The following WDR53 variants were observed in gnomAD, a reference collection of about 807,000 sequenced individuals.
WDR53 encodes WD repeat domain 53.
In WDR53, 19 loss-of-function variants were observed where a neutral mutation model predicts 21.3. The observed-to-expected ratio is 0.89, with a 90% confidence interval of 0.62 to 1.31. The LOEUF is 1.31. Ranked by LOEUF, WDR53 falls within the 50% of genes most tolerant of loss-of-function variation. The pLI is 0.00. For missense variants in WDR53, 374 were observed against 423.2 expected (o/e 0.88, Z 1.02); for synonymous variants, 157 against 163.4 (o/e 0.96, Z 0.30).
chr3:196,560,323 A>G (rs1000809736), intron 3 of WDR53, among the ~76,000 whole-genome samples: 1 of 151,434 alleles, frequency 6.6e-6, no homozygotes, highest in South Asian at 2.1e-4. Flanking sequence ...GCTCACTGCA[A>G]CCTCCACCTC....
At chr3:196,562,469 C>G (rs1734974312) in intron 2 of WDR53, among the ~76,000 whole-genome samples, 3 of 152,034 alleles carry the variant, frequency 2.0e-5, no homozygotes, top group Admixed American at 6.6e-5. Flanking sequence ...ACCATGTTGG[C>G]CAGGCTGGTC....
chr3:196,566,095 G>C (rs1735364735), intron 2 of WDR53, among the ~76,000 whole-genome samples: 1 of 151,824 alleles, frequency 6.6e-6, no homozygotes, highest in Admixed American at 6.6e-5. Flanking sequence ...GTTTTTTCTT[G>C]TGTTTTTTTT....
At chr3:196,561,574 C>A in intron 2 of WDR53, 83 bp from the exon 3 acceptor site, 12 of 1,283,878 alleles carry the variant, frequency 9.3e-6, no homozygotes, top group African/African-American at 1.5e-5. Context: ...AACAATATTT[C>A]ATCTTTTAAA....
chr3:196,562,809 CTT>C (rs1429849077), intron 2 of WDR53, among the ~76,000 whole-genome samples: 1 of 152,164 alleles, frequency 6.6e-6, no homozygotes, highest in African/African-American at 2.4e-5. Flanking sequence ...TCACTTGACT[CTT>C]AGGATTTGTA....
rs148910267 is a variant in WDR53, at chr3:196,554,339, G to A, written c.949C>T (p.Pro317Ser). 2 of 1,613,864 alleles carry A rather than the reference G, an allele frequency of 1.2e-6. No individual in the cohort carries two copies. Among genetic ancestry groups the A allele is most frequent in the African/African-American group, 2.7e-5 (2 of 74,856 alleles). Residue 317 changes from proline to serine, a missense_variant, in exon 4 of 4, where the codon CCA becomes TCA. Physicochemically the swap from Pro to Ser is moderately conservative, Grantham distance 74. Coordinates refer to ENST00000332629, the MANE Select transcript of WDR53 (RefSeq NM_182627.3). ...TDEEEHGNILPKLNIEHGEKV... is the reference protein window; with the variant it reads ...TDEEEHGNILSKLNIEHGEKV... ...TCTCCATGTTCAATATTTAGCTTTG[G>A]TAAAATGTTGCCATGTTCTTCCTCA...
At position 196,554,693 on chromosome 3, in the gene WDR53, G is replaced by A; in HGVS notation, c.595C>T (p.Leu199=). The change falls in exon 4 of 4, where the codon CTA becomes TTA. Residue 199 remains leucine (L), a synonymous_variant. Coordinates refer to ENST00000332629, the MANE Select transcript of WDR53 (RefSeq NM_182627.3). Reference sequence around the variant, plus strand: ...GAAGCCACAGAGATAGAATGGGCTAGGGCAGGGTTTAAGAGCTGACCAGGT... The same window carrying A: ...GAAGCCACAGAGATAGAATGGGCTAAGGCAGGGTTTAAGAGCTGACCAGGT... ...QSPGQLLNPA[L]AHSISVASCG... is the part of the protein sequence containing the mutation. 2 of 1,614,152 alleles carry A rather than the reference G, an allele frequency of 1.2e-6. No homozygotes were observed. Among genetic ancestry groups the A allele is most frequent in the Non-Finnish European group, 1.7e-6 (2 of 1,180,016 alleles).
intron 2 of WDR53, among the ~76,000 whole-genome samples, chr3:196,564,965 T>C (rs1735239089): frequency 6.6e-6 from 1 of 152,216 alleles, no homozygotes; most frequent in African/African-American, 2.4e-5. Flanking sequence ...AATTCTTTTC[T>C]AGAAAAGATT....
chr3:196,555,518 G>A (rs180779634), intron 3 of WDR53, among the ~76,000 whole-genome samples: 19 of 152,200 alleles, frequency 1.2e-4, no homozygotes, highest in East Asian at 3.9e-4. Flanking sequence ...CGTTGTTCCC[G>A]ACCTGGTGCT....
At chr3:196,555,044 G>A (rs1413461919) in intron 3 of WDR53, among the ~76,000 whole-genome samples, 2 of 152,174 alleles carry the variant, frequency 1.3e-5, no homozygotes, top group African/African-American at 4.8e-5. Context: ...AATAATTTTT[G>A]ATTAATAAAC....
rs776593018 is a variant in WDR53, at chr3:196,561,041, C to A, written c.435G>T (p.Arg145=). 5.9e-5 allele frequency: 95 copies of A among 1,614,058 alleles called. No individual in the cohort carries two copies. The Middle Eastern group carries it at 6.6e-4, about 11-fold the overall frequency. ...ACACCAGGCTCTGAGGCCTCTGAGG[C>A]CGAAAAGCCACTGAGGAGCAGATAT... The part of the protein sequence containing the change: ...HSNICSSVAF[R]PQRPQSLVSC... The change falls in exon 3 of 4, where the codon CGG becomes CGT. Residue 145 remains arginine, a synonymous_variant. Transcript: ENST00000332629.
chr3:196,561,604 TA>T (rs1309809982), intron 2 of WDR53, 113 bp from the exon 3 acceptor site: 3 of 1,119,502 alleles, frequency 2.7e-6, no homozygotes, highest in Non-Finnish European at 3.5e-6. Context: ...AAATACATCT[TA>T]AAAAAACTCA....
chr3:196,558,856 C>A (rs780798449), intron 3 of WDR53, among the ~76,000 whole-genome samples: 3 of 152,220 alleles, frequency 2.0e-5, no homozygotes, highest in Non-Finnish European at 2.9e-5. Flanking sequence ...GCTGTTACAT[C>A]ACAACCCAGT....
At chr3:196,557,469 G>A (rs952156362) in intron 3 of WDR53, among the ~76,000 whole-genome samples, 1 of 152,150 alleles carries the variant, frequency 6.6e-6, no homozygotes, top group African/African-American at 2.4e-5. Flanking sequence ...TCACCTGAGG[G>A]AGTGCGAGGC....
At position 196,561,283 on chromosome 3, in the gene WDR53, T is replaced by G. The variant is rs1252122187; in HGVS notation, c.193A>C (p.Thr65Pro). 1 of 1,614,200 alleles carries G rather than the reference T, an allele frequency of 6.2e-7. No homozygotes were observed. Among genetic ancestry groups the G allele is most frequent in the East Asian group, 2.2e-5 (1 of 44,890 alleles). ...TSVLFSPSCPTKLYASHGETI... is the reference protein window; with the variant it reads ...TSVLFSPSCPPKLYASHGETI... ...TCTCCATGTGAGGCATAGAGCTTGG[T>G]GGGACAGGAGGGAGAAAATAAGACA... Residue 65 changes from threonine (T) to proline (P), a missense_variant, in exon 3 of 4, where the codon ACC becomes CCC. Physicochemically the swap from Thr to Pro is conservative, Grantham distance 38. Transcript: ENST00000332629.
At chr3:196,566,345 C>T (rs937964836) in intron 2 of WDR53, among the ~76,000 whole-genome samples, 1 of 152,114 alleles carries the variant, frequency 6.6e-6, no homozygotes, top group East Asian at 1.9e-4. Context: ...ACCTCGGCCT[C>T]CCAAAGTGCT....
chr3:196,568,298 A>T (rs1735631018), intron 1 of WDR53: 1 of 152,374 alleles, frequency 6.6e-6, no homozygotes, highest in South Asian at 2.1e-4. Context: ...AGCTACACAA[A>T]AAGGTTGGGG....
chr3:196,566,301 G>A (rs1195972977), intron 2 of WDR53, among the ~76,000 whole-genome samples: 2 of 151,754 alleles, frequency 1.3e-5, no homozygotes, highest in African/African-American at 4.8e-5. Context: ...TGTTGCCCAA[G>A]CTGGTCTAAC....
intron 2 of WDR53, among the ~76,000 whole-genome samples, chr3:196,562,386 C>T (rs1470753556): frequency 1.3e-5 from 2 of 152,150 alleles, no homozygotes; most frequent in African/African-American, 4.8e-5. Flanking sequence ...CTCAGCCTCC[C>T]GAGTAGCTGA....
chr3:196,565,340 TGAG>T (rs1478387117), intron 2 of WDR53, among the ~76,000 whole-genome samples: 1 of 151,290 alleles, frequency 6.6e-6, no homozygotes, highest in Non-Finnish European at 1.5e-5. Flanking sequence ...TTTGGGAGGC[TGAG>T]GAGGGCGGAT....
Sources: gnomAD v4.1 joint callset for allele counts (sites outside exome capture counted in the v4.1 genomes callset) on GRCh38, gnomAD v4.1.1 for gene constraint, MANE v1.5 for transcripts, NCBI Gene and HGNC (gene_info 2026-07-23, HGNC 2026-07-21) for gene names.